Variants in FRMD4A observed in about 807,000 individuals in gnomAD.
The protein encoded by FRMD4A is FERM domain containing 4A, also known as FERM domain-containing protein 4A.
Under a neutral mutation model 129.1 loss-of-function variants are expected in FRMD4A, and 29 were observed. The ratio of observed to expected loss-of-function variants is 0.22; its 90% CI spans 0.17 to 0.31. The LOEUF (loss-of-function observed/expected upper bound fraction) is 0.31. Ranked by LOEUF, FRMD4A falls within the 10% of genes least tolerant of loss-of-function variation. The pLI, the probability that FRMD4A is intolerant of heterozygous loss-of-function variation, is 1.00. For synonymous variants in FRMD4A, 634 were observed against 571.6 expected (o/e 1.11, Z -1.56); for missense variants, 1,272 against 1,375.8 (o/e 0.92, Z 1.19).
intron 2 of FRMD4A, among the ~76,000 whole-genome samples, chr10:14,307,383 A>G (rs993821065): frequency 5.3e-5 from 8 of 152,234 alleles, no homozygotes; most frequent in Non-Finnish European, 1.2e-4. Flanking sequence ...AAAGAGGATG[A>G]GCGCATGACA....
At chr10:13,872,837 A>G (rs2094452119) in intron 2 of FRMD4A, among the ~76,000 whole-genome samples, 1 of 152,208 alleles carries the variant, frequency 6.6e-6, no homozygotes. Flanking sequence ...AAAGGCAAGT[A>G]TCTACCTTTT....
At chr10:14,079,564 T>G (rs924784936) in intron 2 of FRMD4A, among the ~76,000 whole-genome samples, 1 of 152,230 alleles carries the variant, frequency 6.6e-6, no homozygotes, top group Non-Finnish European at 1.5e-5. Context: ...TGGTGTTTAA[T>G]AAAAAGGGTG....
intron 2 of FRMD4A, among the ~76,000 whole-genome samples, chr10:13,936,826 T>C (rs560941374): frequency 6.6e-6 from 1 of 152,266 alleles, no homozygotes; most frequent in East Asian, 1.9e-4. Flanking sequence ...GATTTAAGAT[T>C]CTATATTCTA....
Position 13,645,485 on chromosome 10 carries a change from C to A in FRMD4A, c.*1553G>T, listed in dbSNP as rs1447792486. On this transcript the variant is annotated 3_prime_UTR_variant, in exon 25 of 25. Coordinates refer to ENST00000357447, the MANE Select transcript of FRMD4A (RefSeq NM_018027.5). ...TGTTACTATAAAAGTATTTTTGAGG[C>A]CTTTGAAGATTGATGGCTTTCCAGT... The A allele has an allele frequency of 1.3e-5, 2 of 152,412 alleles. No individual in the cohort carries two copies. Among genetic ancestry groups the A allele is most frequent in the African/African-American group, 2.4e-5 (1 of 41,342 alleles). The allele number at this position is 152,412 out of a possible 1,614,324, so 9.4% of individuals were successfully genotyped here.
At chr10:13,896,750 G>C (rs1289616304) in intron 2 of FRMD4A, among the ~76,000 whole-genome samples, 1 of 151,974 alleles carries the variant, frequency 6.6e-6, no homozygotes, top group Admixed American at 6.6e-5. Context: ...TGAAACTTAA[G>C]TTACCTGGAA....
chr10:13,827,918 C>G (rs1301846283), intron 3 of FRMD4A, among the ~76,000 whole-genome samples: 3 of 152,202 alleles, frequency 2.0e-5, no homozygotes, highest in African/African-American at 7.2e-5. Context: ...CTCCGAGCCC[C>G]TTGGGCTCGA....
chr10:14,082,106 G>T (rs1835963636), intron 2 of FRMD4A, among the ~76,000 whole-genome samples: 1 of 152,134 alleles, frequency 6.6e-6, no homozygotes, highest in Non-Finnish European at 1.5e-5. Context: ...AATTAGCTGG[G>T]CATGGTGGCA....
rs543353492 is a variant in FRMD4A, at chr10:13,660,791, G to A, written c.1661-238C>T. Among the ~76,000 whole-genome samples, 22 of 152,304 alleles carry A rather than the reference G, an allele frequency of 1.4e-4. No individual in the cohort carries two copies. The South Asian group carries it at 3.1e-3, about 22-fold the overall frequency. On this transcript the variant is annotated intron_variant, in intron 19 of 24. Coordinates refer to ENST00000357447, the MANE Select transcript of FRMD4A (RefSeq NM_018027.5). ...GGCGGGATTGCATGGGAAGAGATGC[G>A]TCACTTTTGATTAGACACGAATGGA...
rs540924869 is a variant in FRMD4A at position 13,744,252 on chromosome 10, C to G, written c.548+3484G>C. 3.3e-5 allele frequency among the ~76,000 whole-genome samples: 5 copies of G among 152,256 alleles called. No individual in the cohort carries two copies. In the East Asian group the frequency reaches 9.7e-4, roughly 29 times the overall value. On this transcript the variant is annotated intron_variant, in intron 9 of 24. Transcript: ENST00000357447. ...GGTCAGGTGGTCCAGCATTTACAAACTAGGCCCGCGAGGCAGAATCCAGGT... is the reference window on the plus strand; with the variant it reads ...GGTCAGGTGGTCCAGCATTTACAAAGTAGGCCCGCGAGGCAGAATCCAGGT...
chr10:13,963,918 A>G (rs1053488395), intron 2 of FRMD4A, among the ~76,000 whole-genome samples: 6 of 152,320 alleles, frequency 3.9e-5, no homozygotes, highest in East Asian at 1.9e-4. Flanking sequence ...TTCCTAACAC[A>G]TGGATGTTCA....
At chr10:14,144,576 T>C (rs527950943) in intron 2 of FRMD4A, among the ~76,000 whole-genome samples, 149 of 152,270 alleles carry the variant, frequency 9.8e-4, no homozygotes, top group African/African-American at 3.4e-3. Context: ...TTAGCAGCCC[T>C]TTTCTACCTA....
chr10:13,801,162 G>A (rs1380126603), intron 4 of FRMD4A, among the ~76,000 whole-genome samples: 1 of 152,152 alleles, frequency 6.6e-6, no homozygotes, highest in African/African-American at 2.4e-5. Context: ...CAGGAGAATC[G>A]CTTGAACCTG....
intron 2 of FRMD4A, among the ~76,000 whole-genome samples, chr10:13,952,386 A>C (rs2095378623): frequency 6.6e-6 from 1 of 152,018 alleles, no homozygotes; most frequent in Admixed American, 6.6e-5. Flanking sequence ...CTGTAGTCCC[A>C]GTTGCTTGGG....
chr10:14,008,157 T>C (rs1267164093), intron 2 of FRMD4A: 1 of 1,290,354 alleles, frequency 7.7e-7, no homozygotes, highest in African/African-American at 1.6e-5. Context: ...CACCATGGTG[T>C]ACAGCTGTGT....
At chr10:14,305,940 T>C (rs535027166) in intron 2 of FRMD4A, among the ~76,000 whole-genome samples, 1 of 152,010 alleles carries the variant, frequency 6.6e-6, no homozygotes, top group Non-Finnish European at 1.5e-5. Context: ...CATGGACACA[T>C]AGGGAGAAAC....
At chr10:13,972,561 G>C (rs903148137) in intron 2 of FRMD4A, among the ~76,000 whole-genome samples, 1 of 152,056 alleles carries the variant, frequency 6.6e-6, no homozygotes, top group Non-Finnish European at 1.5e-5. Context: ...CCCGCATGAG[G>C]GGTTACTTCC....
chr10:14,018,001 T>C (rs1294396458), intron 2 of FRMD4A, among the ~76,000 whole-genome samples: 3 of 152,156 alleles, frequency 2.0e-5, no homozygotes, highest in Non-Finnish European at 2.9e-5. Context: ...TAGATGAGGA[T>C]GAGTAGGGGA....
intron 2 of FRMD4A, among the ~76,000 whole-genome samples, chr10:14,141,154 C>A (rs1307848056): frequency 2.6e-5 from 4 of 152,072 alleles, no homozygotes; most frequent in Non-Finnish European, 5.9e-5. Context: ...CAATCTGGTG[C>A]TTTATCGGGT....
At chr10:13,937,311 G>T (rs554614800) in intron 2 of FRMD4A, among the ~76,000 whole-genome samples, 2 of 152,120 alleles carry the variant, frequency 1.3e-5, no homozygotes, top group South Asian at 2.1e-4. Flanking sequence ...ATAACTGTCC[G>T]CATGGAGAAG....
Sources: gnomAD v4.1 joint callset for allele counts (sites outside exome capture counted in the v4.1 genomes callset) on GRCh38, gnomAD v4.1.1 for gene constraint, MANE v1.5 for transcripts, NCBI Gene and HGNC (gene_info 2026-07-23, HGNC 2026-07-21) for gene names.